The following FMN2 variants were observed in gnomAD, a reference collection of about 807,000 sequenced individuals.
FMN2 encodes the protein formin 2.
A neutral mutation model predicts 142.3 loss-of-function variants in FMN2; 51 were observed. The observed-to-expected ratio is 0.36, with a 90% CI of 0.29 to 0.45. The LOEUF (loss-of-function observed/expected upper bound fraction) is 0.45, where lower values mean the gene tolerates loss of function less well. Among genes scored for constraint, FMN2 ranks in the 20% least tolerant of loss-of-function variants. The pLI, the probability that FMN2 is intolerant of heterozygous loss-of-function variation, is 1.00. For synonymous variants in FMN2, 882 were observed against 869.8 expected, an observed-to-expected ratio of 1.01 and a Z score of -0.25; for missense variants, 1,936 against 2,122.8, an observed-to-expected ratio of 0.91 and a Z score of 1.73.
At chr1:240,279,613 G>C (rs1669330337) in intron 7 of FMN2, among the ~76,000 whole-genome samples, 1 of 152,170 alleles carries the variant, frequency 6.6e-6, no homozygotes, top group Admixed American at 6.5e-5. Flanking sequence ...AATTAGAACA[G>C]AGGCCTTTCT....
At chr1:240,108,706 C>T (rs1045141192) in intron 1 of FMN2, among the ~76,000 whole-genome samples, 1 of 152,112 alleles carries the variant, frequency 6.6e-6, no homozygotes, top group Non-Finnish European at 1.5e-5. Flanking sequence ...TTTTAAAATA[C>T]AGCAACTGTC....
rs577016458 is a variant in FMN2 at position 240,437,465 on chromosome 1, T to A, written c.4911-596T>A. On this transcript the variant is annotated intron_variant, in intron 15 of 17. Coordinates refer to ENST00000319653, the MANE Select transcript of FMN2 (RefSeq NM_020066.5). ...TGCCCACCACCATGCCCGGCTAATT[T>A]TTTTTTCTTTGTAATTTTAGTAGAG... 2.3e-3 allele frequency among the ~76,000 whole-genome samples: 343 copies of A among 151,994 alleles called. 3 individuals are homozygous for A. Among genetic ancestry groups the A allele is most frequent in the Middle Eastern group, 6.9e-3 (2 of 290 alleles).
chr1:240,143,557 A>G, intron 2 of FMN2: 1 of 1,602,654 alleles, frequency 6.2e-7, no homozygotes, highest in Non-Finnish European at 8.5e-7. Flanking sequence ...CAGCTGCTGC[A>G]CCTTCAGCAC....
intron 2 of FMN2, among the ~76,000 whole-genome samples, chr1:240,155,886 A>G (rs1248020475): frequency 2.0e-5 from 3 of 148,694 alleles, no homozygotes; most frequent in Non-Finnish European, 4.4e-5. Flanking sequence ...GCACTTCAAA[A>G]TTAGATACTT....
intron 2 of FMN2, among the ~76,000 whole-genome samples, chr1:240,173,006 G>A (rs1332177985): frequency 6.6e-6 from 1 of 151,832 alleles, no homozygotes; most frequent in Non-Finnish European, 1.5e-5. Context: ...CCTGATCTTG[G>A]CTCACTGCAA....
intron 16 of FMN2, chr1:240,457,755 A>C (rs943316962): frequency 5.9e-5 from 9 of 152,332 alleles, no homozygotes; most frequent in Non-Finnish European, 1.2e-4. Context: ...ATGTTTAGTC[A>C]AGTGCCTAAA....
intron 4 of FMN2, among the ~76,000 whole-genome samples, chr1:240,194,941 C>T (rs981539021): frequency 1.2e-5 from 1 of 85,942 alleles, no homozygotes; most frequent in Admixed American, 9.7e-5. Context: ...GAATTCCTAT[C>T]TCTACATTTT....
At chr1:240,122,637 C>T (rs1662330410) in intron 1 of FMN2, among the ~76,000 whole-genome samples, 1 of 152,006 alleles carries the variant, frequency 6.6e-6, no homozygotes, top group Non-Finnish European at 1.5e-5. Flanking sequence ...CAAAAGGGAG[C>T]TGAGTGAGGT....
chr1:240,244,635 C>T (rs1668019592), intron 6 of FMN2, among the ~76,000 whole-genome samples: 1 of 152,184 alleles, frequency 6.6e-6, no homozygotes, highest in African/African-American at 2.4e-5. Flanking sequence ...AGTAGAATCA[C>T]AGTTCAACCA....
At chr1:240,211,259 A>G (rs987928574) in intron 6 of FMN2, 24 bp downstream of exon 6, 2 of 1,604,014 alleles carry the variant, frequency 1.2e-6, no homozygotes, top group South Asian at 2.2e-5. Context: ...TGCTTTATGA[A>G]ATTGGACAGT....
At chr1:240,285,677 T>C (rs1669561848) in intron 7 of FMN2, among the ~76,000 whole-genome samples, 1 of 152,044 alleles carries the variant, frequency 6.6e-6, no homozygotes. Flanking sequence ...GATAAATGTT[T>C]AGCACGTGTA....
In FMN2 at chr1:240,355,796, A is replaced by G. The variant is rs776488461; in HGVS notation, c.4766-20A>G. On this transcript the variant is annotated intron_variant, in intron 13 of 17. Coordinates refer to ENST00000319653, the MANE Select transcript of FMN2 (RefSeq NM_020066.5). Reference sequence around the variant, plus strand: ...CCACTAACAGTGTGACACTCTAAATAATGTTCTGTCTAATTTCAGCCTGTG... The same window carrying G: ...CCACTAACAGTGTGACACTCTAAATGATGTTCTGTCTAATTTCAGCCTGTG... 24 of 1,573,826 alleles carry G rather than the reference A, an allele frequency of 1.5e-5. No homozygotes were observed. The highest frequency in any genetic ancestry group is 2.1e-5 in the Non-Finnish European group (24 of 1,145,974).
chr1:240,263,139 C>T (rs1371980924), intron 7 of FMN2, among the ~76,000 whole-genome samples: 1 of 152,128 alleles, frequency 6.6e-6, no homozygotes, highest in Non-Finnish European at 1.5e-5. Context: ...CTGAACCCTC[C>T]CCCACACACA....
intron 15 of FMN2, among the ~76,000 whole-genome samples, chr1:240,411,387 A>G (rs1046229272): frequency 6.6e-6 from 1 of 152,114 alleles, no homozygotes; most frequent in African/African-American, 2.4e-5. Flanking sequence ...CCTGACCAAC[A>G]GGGTGAAACC....
At chr1:240,151,607 T>C (rs150319004) in intron 2 of FMN2, among the ~76,000 whole-genome samples, 257 of 152,242 alleles carry the variant, frequency 1.7e-3, no homozygotes, top group African/African-American at 6.0e-3. Flanking sequence ...ACAGTATTTC[T>C]TTTTGCTTAA....
chr1:240,235,426 T>TC lies in FMN2; in HGVS notation c.4066-22518dup, dbSNP rs1262029192. Among the ~76,000 whole-genome samples, 6 of 152,020 alleles carry TC rather than the reference T, an allele frequency of 3.9e-5. No homozygotes were observed. In the East Asian group the frequency reaches 9.7e-4, roughly 24 times the overall value. On this transcript the variant is annotated intron_variant, in intron 6 of 17. Coordinates refer to ENST00000319653, the MANE Select transcript of FMN2 (RefSeq NM_020066.5). ...TTTAATTAATTTTTTGTTTTTTTTT[T>TC]CAGAGATGAGGGTCTCTCTCTGTTT...
At chr1:240,102,255 C>G (rs1241470109) in intron 1 of FMN2, among the ~76,000 whole-genome samples, 1 of 151,998 alleles carries the variant, frequency 6.6e-6, no homozygotes. Context: ...TTCCATTGGC[C>G]TTAAACAAGT....
intron 8 of FMN2, among the ~76,000 whole-genome samples, chr1:240,323,173 C>G (rs1572192474): frequency 6.8e-6 from 1 of 147,832 alleles, no homozygotes; most frequent in African/African-American, 2.5e-5. Context: ...CTCTCTTTCT[C>G]TCTCTTTTCT....
In FMN2 at chr1:240,208,545, C is replaced by T; in HGVS notation, c.3733C>T (p.Leu1245Phe). 1 of 1,613,452 alleles carries T rather than the reference C, an allele frequency of 6.2e-7. No individual in the cohort carries two copies. Among genetic ancestry groups the T allele is most frequent in the Non-Finnish European group, 8.5e-7 (1 of 1,179,918 alleles). ...TCTGCTTCCTGTATCAGGCCCTCCA[C>T]TCCTCCCACAAGTTGGGAGTAGCAC... is the stretch of plus-strand genomic sequence containing the variant. ...PPLLPVSGPP[L>F]LPQVGSSTLP... is the part of the protein sequence containing the mutation. Residue 1245 changes from leucine (L) to phenylalanine (F), a missense_variant, in exon 5 of 18, where the codon CTC becomes TTC. Coordinates refer to ENST00000319653, the MANE Select transcript of FMN2 (RefSeq NM_020066.5).
Sources: allele counts gnomAD v4.1 joint callset (sites outside exome capture counted in the v4.1 genomes callset), GRCh38; gene constraint gnomAD v4.1.1; transcripts MANE v1.5; gene names NCBI Gene and HGNC (gene_info 2026-07-23, HGNC 2026-07-21).